Variants in CFAP46 observed in about 807,000 individuals in gnomAD.
CFAP46 encodes cilia- and flagella-associated protein 46.
CFAP46 carries 245 observed loss-of-function variants against 325.7 expected under a neutral mutation model. The ratio of observed to expected loss-of-function variants is 0.75; its 90% CI spans 0.68 to 0.84. The LOEUF is 0.84. Ranked by LOEUF, CFAP46 falls within the 40% of genes least tolerant of loss-of-function variation. The probability of loss-of-function intolerance (pLI) is 0.00; values close to 1 mark genes in which losing one functional copy is unlikely to be tolerated. For missense variants in CFAP46, 3,346 were observed against 3,543.0 expected, an observed-to-expected ratio of 0.94 and a Z score of 1.41; for synonymous variants, 1,523 against 1,495.9, an observed-to-expected ratio of 1.02 and a Z score of -0.42.
chr10:132,837,631 G>A lies in CFAP46; in HGVS notation c.6439-717C>T, dbSNP rs1247854750. Among the ~76,000 whole-genome samples the A allele has an allele frequency of 1.2e-3, 65 of 53,198 alleles. 1 individual carries two copies. The highest frequency in any genetic ancestry group is 3.6e-3 in the African/African-American group (50 of 14,064). 34.9% of individuals were successfully genotyped at this position (53,198 alleles called of 152,430 possible). ...CACGCACACGTACACAGACATGCAC[G>A]GACACACACGCACACGTACACAGAT... On this transcript the variant is annotated intron_variant, in intron 44 of 57. Coordinates refer to ENST00000368586, the MANE Select transcript of CFAP46 (RefSeq NM_001200049.3).
intron 50 of CFAP46, among the ~76,000 whole-genome samples, chr10:132,821,653 GATGTGTGCT>G (rs1318587130): frequency 7.2e-6 from 1 of 138,110 alleles, no homozygotes; most frequent in African/African-American, 2.9e-5. Context: ...TGTGAGTGCT[GATGTGTGCT>G]GTGTGTGCTG....
intron 50 of CFAP46, among the ~76,000 whole-genome samples, chr10:132,821,464 G>T (rs1283621584): frequency 7.2e-6 from 1 of 137,948 alleles, no homozygotes; most frequent in Non-Finnish European, 1.5e-5. Flanking sequence ...TGTGTGTGCT[G>T]ATGTGTGTTG....
chr10:132,855,830 C>T (rs2135185019), intron 39 of CFAP46, among the ~76,000 whole-genome samples: 1 of 152,330 alleles, frequency 6.6e-6, no homozygotes, highest in Admixed American at 6.5e-5. Context: ...CCCCATGCTA[C>T]ATTGTTATTA....
rs868274097 is a variant in CFAP46 at position 132,885,734 on chromosome 10, C to T, written c.3443+87G>A. 3.7e-3 allele frequency: 4,765 copies of T among 1,286,280 alleles called. 133 individuals carry two copies. In the African/African-American group the frequency reaches 0.063, roughly 17 times the overall value. 79.7% of individuals were successfully genotyped at this position (1,286,280 alleles called of 1,614,324 possible). A position where few individuals can be genotyped will look rare whatever the true frequency, so the allele number is the denominator to read the frequency against. On this transcript the variant is annotated intron_variant, in intron 26 of 57. Transcript: ENST00000368586. ...GGGGATGCAGTGGGTGGAGCACTCA[C>T]AGGCGGTGTGGGGAGCACTCACAGG...
intron 22 of CFAP46, among the ~76,000 whole-genome samples, chr10:132,907,368 G>C (rs1212430139): frequency 1.3e-5 from 2 of 152,218 alleles, no homozygotes; most frequent in East Asian, 3.9e-4. Context: ...TGCTCAACTG[G>C]ATGGAACACG....
At chr10:132,924,582 G>T in intron 11 of CFAP46, 114 bp downstream of exon 11, 1 of 1,047,178 alleles carries the variant, frequency 9.5e-7, no homozygotes, top group Non-Finnish European at 1.3e-6. Context: ...TACAGGGGGA[G>T]TCTGTTGCTT....
chr10:132,850,174 TC>T, intron 41 of CFAP46, 69 bp downstream of exon 41: 1 of 1,461,616 alleles, frequency 6.8e-7, no homozygotes, highest in Non-Finnish European at 9.3e-7. Flanking sequence ...CCTAAACACT[TC>T]GCTTGTGTTT....
At chr10:132,912,850 T>G in intron 18 of CFAP46, 30 bp from the exon 19 acceptor site, 1 of 1,544,694 alleles carries the variant, frequency 6.5e-7, no homozygotes, top group Non-Finnish European at 8.7e-7. Context: ...GAGGGAACCT[T>G]GGCCCCCGCA....
intron 43 of CFAP46, 73 bp from the exon 44 acceptor site, chr10:132,846,300 G>A: frequency 6.6e-7 from 1 of 1,510,752 alleles, no homozygotes; most frequent in Non-Finnish European, 8.9e-7. Flanking sequence ...TGCGGAGGGT[G>A]CGCAGCAGCT....
chr10:132,848,122 G>C (rs1848472153), intron 41 of CFAP46, among the ~76,000 whole-genome samples: 1 of 152,144 alleles, frequency 6.6e-6, no homozygotes, highest in Non-Finnish European at 1.5e-5. Context: ...AGAGTCCCCA[G>C]GACCGAGACC....
At chr10:132,888,055 CCT>C (rs141416603) in intron 25 of CFAP46, among the ~76,000 whole-genome samples, 10,390 of 141,064 alleles carry the variant, frequency 0.074, 1,459 homozygotes, top group African/African-American at 0.25. Context: ...CCTCTCCCCT[CCT>C]CTCTCTCTCC....
chr10:132,869,369 G>A lies in CFAP46; in HGVS notation c.4515C>T (p.Leu1505=), dbSNP rs992335818. ...GCTTCAGCTCGGAGCACGCGTGGGC[G>A]AGGCTGTGGGGAGTGTGGCCGAAAG... ...KGLSDLYHLR[L]AHACSELKLR... is the part of the protein sequence containing the mutation. The change falls in exon 33 of 58, where the codon CTC becomes CTT. Residue 1505 remains leucine, a synonymous_variant. Coordinates refer to ENST00000368586, the MANE Select transcript of CFAP46 (RefSeq NM_001200049.3). This position sits in a 1 kb window ranked among gnomAD's most constrained non-coding sequence, Gnocchi z 6.2. 2.1e-5 allele frequency: 32 copies of A among 1,527,806 alleles called. No homozygotes were observed. Among genetic ancestry groups the A allele is most frequent in the Middle Eastern group, 3.4e-4 (2 of 5,946 alleles). 94.6% of individuals were successfully genotyped at this position (1,527,806 alleles called of 1,614,324 possible).
chr10:132,941,251 G>A (rs11146054), intron 3 of CFAP46, among the ~76,000 whole-genome samples, 191 bp from the exon 4 acceptor site: 4,512 of 152,210 alleles, frequency 0.03, 225 homozygotes, highest in African/African-American at 0.1. Flanking sequence ...CCGGGTTCCC[G>A]TCCCGCAGAC....
chr10:132,851,265 C>T lies in CFAP46; in HGVS notation c.5615G>A (p.Arg1872His), dbSNP rs1371021998. 9.3e-6 allele frequency: 15 copies of T among 1,614,014 alleles called. No individual in the cohort carries two copies. The highest frequency in any genetic ancestry group is 4.4e-5 in the South Asian group (4 of 91,084). ...VNTPLMRKLA[R>H]LKLGLVEMAL... ...CATTTCCACGAGGCCGAGCTTGAGGCGCGCCAGCTTCCTCATCAGGGGCGT... is the reference window on the plus strand; with the variant it reads ...CATTTCCACGAGGCCGAGCTTGAGGTGCGCCAGCTTCCTCATCAGGGGCGT... Residue 1872 changes from arginine (R) to histidine (H), a missense_variant, in exon 40 of 58, where the codon CGC becomes CAC. Coordinates refer to ENST00000368586, the MANE Select transcript of CFAP46 (RefSeq NM_001200049.3).
intron 3 of CFAP46, 75 bp downstream of exon 3, chr10:132,941,516 G>A: frequency 6.5e-7 from 1 of 1,542,760 alleles, no homozygotes; most frequent in Non-Finnish European, 8.8e-7. Context: ...TTTAAGCCTG[G>A]TCTAGCCTGG....
chr10:132,867,033 G>A (rs748929469), intron 34 of CFAP46, among the ~76,000 whole-genome samples: 11 of 152,272 alleles, frequency 7.2e-5, no homozygotes, highest in Middle Eastern at 6.8e-3. Flanking sequence ...CATCTTTCCC[G>A]GGGAATTCCA....
chr10:132,834,030 GC>G lies in CFAP46; in HGVS notation c.6949+10del, dbSNP rs1465347921. 1.2e-6 allele frequency: 2 copies of G among 1,612,360 alleles called. No individual in the cohort carries two copies. Among genetic ancestry groups the G allele is most frequent in the East Asian group, 4.5e-5 (2 of 44,858 alleles). On this transcript the variant is annotated intron_variant, in intron 49 of 57. Coordinates refer to ENST00000368586, the MANE Select transcript of CFAP46 (RefSeq NM_001200049.3). ...CTCCCCAGGCTGAGTGGCCACGCCC[GC>G]CCCACTCACTGTGTTGTCCTGTGGA... is the stretch of plus-strand genomic sequence containing the variant.
At chr10:132,942,253 T>C (rs1850117175) in intron 1 of CFAP46, 149 bp from the exon 2 acceptor site, 1 of 1,214,962 alleles carries the variant, frequency 8.2e-7, no homozygotes, top group Non-Finnish European at 1.1e-6. Flanking sequence ...AGCAGCGGTG[T>C]GGGCGCCTTC....
At chr10:132,891,428 C>T (rs999803735) in intron 25 of CFAP46, among the ~76,000 whole-genome samples, 7 of 152,220 alleles carry the variant, frequency 4.6e-5, no homozygotes, top group African/African-American at 1.4e-4. Context: ...TTAAGGCTGA[C>T]AGAGTGGACG....
Sources: allele counts gnomAD v4.1 joint callset (sites outside exome capture counted in the v4.1 genomes callset), GRCh38; gene constraint gnomAD v4.1.1; non-coding constraint Gnocchi (gnomAD v3.1); transcripts MANE v1.5; gene names NCBI Gene and HGNC (gene_info 2026-07-23, HGNC 2026-07-21).